Variants in PCDHA4 observed in about 807,000 individuals in gnomAD.
PCDHA4 encodes the protein protocadherin alpha 4.
A neutral mutation model predicts 61.4 loss-of-function variants in PCDHA4; 49 were observed. The observed-to-expected ratio is 0.80, with a 90% confidence interval of 0.63 to 1.01. PCDHA4 has a LOEUF of 1.01. PCDHA4 is among the 50% of genes least tolerant of loss of function. The probability of loss-of-function intolerance (pLI) is 0.00; values close to 1 mark genes in which losing one functional copy is unlikely to be tolerated. For missense variants in PCDHA4, 1,254 were observed against 1,235.8 expected (o/e 1.01, Z -0.22); for synonymous variants, 590 against 550.3 (o/e 1.07, Z -1.01).
intron 1 of PCDHA4, among the ~76,000 whole-genome samples, chr5:140,908,277 T>C (rs2073893618): frequency 6.6e-6 from 1 of 152,162 alleles, no homozygotes; most frequent in Non-Finnish European, 1.5e-5. Context: ...CATGAGGCCA[T>C]TGTTGCAAGC....
intron 1 of PCDHA4, chr5:140,882,018 A>G (rs2058907575): frequency 1.8e-6 from 1 of 559,242 alleles, no homozygotes; most frequent in South Asian, 4.1e-5. Flanking sequence ...AAAATACTAC[A>G]TCAATGGAAA....
rs576221086 is a variant in PCDHA4, at chr5:140,933,031, A to G, written c.2386-45918A>G. Among the ~76,000 whole-genome samples, 5 of 152,154 alleles carry G rather than the reference A, an allele frequency of 3.3e-5. No individual in the cohort carries two copies. The South Asian group carries it at 6.2e-4, about 19-fold the overall frequency. ...AATATTAACACTTGGCAGAACTTCAAGTGAATATGGATTACAGTCCAGGAT... is the reference window on the plus strand; with the variant it reads ...AATATTAACACTTGGCAGAACTTCAGGTGAATATGGATTACAGTCCAGGAT... On this transcript the variant is annotated intron_variant, in intron 1 of 3. Coordinates refer to ENST00000530339, the MANE Select transcript of PCDHA4 (RefSeq NM_018907.4).
intron 1 of PCDHA4, among the ~76,000 whole-genome samples, chr5:140,886,264 A>T (rs1471846282): frequency 3.3e-5 from 5 of 151,982 alleles, no homozygotes; most frequent in Admixed American, 3.3e-4. Flanking sequence ...CTATTTATAG[A>T]TAAAATTTTT....
At chr5:140,984,371 C>T (rs2097099528) in intron 3 of PCDHA4, among the ~76,000 whole-genome samples, 1 of 152,150 alleles carries the variant, frequency 6.6e-6, no homozygotes, top group African/African-American at 2.4e-5. Flanking sequence ...TGGCCAAGTC[C>T]CTCTTTCAGA....
intron 1 of PCDHA4, chr5:140,869,887 C>A: frequency 1.9e-6 from 3 of 1,610,174 alleles, no homozygotes; most frequent in Non-Finnish European, 2.5e-6. Context: ...AACTCTTGTG[C>A]TCAAACTAAA....
intron 1 of PCDHA4, among the ~76,000 whole-genome samples, chr5:140,919,029 A>C (rs1474107507): frequency 6.6e-6 from 1 of 152,126 alleles, no homozygotes; most frequent in Non-Finnish European, 1.5e-5. Flanking sequence ...TCTTCTGCCT[A>C]GTTGTTGTCC....
intron 1 of PCDHA4, among the ~76,000 whole-genome samples, chr5:140,916,967 G>A (rs1215722713): frequency 2.6e-5 from 4 of 152,194 alleles, no homozygotes; most frequent in African/African-American, 9.7e-5. Context: ...TGACTGCTGG[G>A]ATGAGTGATT....
intron 1 of PCDHA4, among the ~76,000 whole-genome samples, chr5:140,899,769 T>C (rs376898324): frequency 4.6e-4 from 70 of 152,316 alleles, no homozygotes; most frequent in African/African-American, 1.7e-3. Flanking sequence ...CAGTTCCTCC[T>C]TTTACCTCTG....
At chr5:140,853,193 T>C in intron 1 of PCDHA4, 2 of 981,640 alleles carry the variant, frequency 2.0e-6, no homozygotes, top group Non-Finnish European at 2.5e-6. Context: ...ATGTGTTCTT[T>C]ATTATTGACG....
intron 1 of PCDHA4, chr5:140,927,606 C>T: frequency 6.2e-7 from 1 of 1,614,202 alleles, no homozygotes; most frequent in Non-Finnish European, 8.5e-7. Context: ...GCTCCGTATA[C>T]CGCACCAAGG....
chr5:140,831,527 T>A (rs2150196038), intron 1 of PCDHA4, among the ~76,000 whole-genome samples: 12 of 148,212 alleles, frequency 8.1e-5, no homozygotes, highest in Non-Finnish European at 1.8e-4. Context: ...CACCTTTTTT[T>A]TTTTTTTTTT....
chr5:140,929,410 CACA>C (rs2153600762), intron 1 of PCDHA4: 2 of 1,505,808 alleles, frequency 1.3e-6, no homozygotes, highest in East Asian at 2.3e-5. Context: ...ACAAGCCTTT[CACA>C]ACATTTCATC....
intron 1 of PCDHA4, chr5:140,861,434 CA>C: frequency 4.1e-6 from 2 of 489,520 alleles, no homozygotes; most frequent in Non-Finnish European, 4.2e-6. Context: ...AGTTGGATTC[CA>C]AAAGCCGCAG....
chr5:141,005,463 G>A (rs2098214977), intron 3 of PCDHA4, among the ~76,000 whole-genome samples: 1 of 151,944 alleles, frequency 6.6e-6, no homozygotes. Context: ...CAGCACTTTG[G>A]GAGGCCGAGA....
intron 1 of PCDHA4, chr5:140,836,210 T>A: frequency 6.2e-7 from 1 of 1,613,772 alleles, no homozygotes. Context: ...GGCTTTCGTA[T>A]GAGTTGCAAC....
intron 1 of PCDHA4, among the ~76,000 whole-genome samples, chr5:140,885,108 T>C (rs986059469): frequency 6.6e-6 from 1 of 152,226 alleles, no homozygotes; most frequent in Non-Finnish European, 1.5e-5. Flanking sequence ...AAATGCTTTT[T>C]TTAAGTGCAC....
At chr5:140,896,672 C>T (rs912022786) in intron 1 of PCDHA4, among the ~76,000 whole-genome samples, 7 of 152,028 alleles carry the variant, frequency 4.6e-5, no homozygotes, top group Middle Eastern at 3.2e-3. Flanking sequence ...TCACTGTGCC[C>T]GGCCCTTTGC....
intron 1 of PCDHA4, chr5:140,863,133 G>T (rs2047814450): frequency 5.0e-6 from 3 of 600,930 alleles, no homozygotes; most frequent in African/African-American, 1.9e-5. Flanking sequence ...GCCACCGCCT[G>T]CTGGTGCTGG....
intron 1 of PCDHA4, among the ~76,000 whole-genome samples, chr5:140,937,123 C>T (rs1255527159): frequency 1.3e-5 from 2 of 151,390 alleles, no homozygotes; most frequent in Non-Finnish European, 2.9e-5. Context: ...CTGCAAGCTC[C>T]GCCTCCCGGG....
Sources: allele counts gnomAD v4.1 joint callset (sites outside exome capture counted in the v4.1 genomes callset), GRCh38; gene constraint gnomAD v4.1.1; transcripts MANE v1.5; gene names NCBI Gene and HGNC (gene_info 2026-07-23, HGNC 2026-07-21).